Variants in KIFAP3 observed in about 807,000 individuals in gnomAD.
KIFAP3 encodes the protein kinesin-associated protein 3.
In KIFAP3, 68 loss-of-function variants were observed where a neutral mutation model predicts 106.5. The observed-to-expected ratio is 0.64, with a 90% CI of 0.53 to 0.78. KIFAP3 has a LOEUF of 0.78. KIFAP3 is among the 30% of genes least tolerant of loss of function. The pLI is 0.00. For missense variants in KIFAP3, 780 were observed against 941.8 expected (o/e 0.83, Z 2.25); for synonymous variants, 320 against 311.5 (o/e 1.03, Z -0.29).
chr1:169,945,146 C>G (rs1420687317), intron 19 of KIFAP3, among the ~76,000 whole-genome samples: 1 of 151,426 alleles, frequency 6.6e-6, no homozygotes, highest in South Asian at 2.1e-4. Context: ...CAGTGGGGGG[C>G]GGGGGGGGGC....
intron 1 of KIFAP3, among the ~76,000 whole-genome samples, chr1:170,073,964 C>T (rs536158856): frequency 6.6e-6 from 1 of 152,276 alleles, no homozygotes; most frequent in South Asian, 2.1e-4. Context: ...TCAATTCAGC[C>T]TTCCAAAAAG....
chr1:169,972,522 A>G lies in KIFAP3; in HGVS notation c.1974T>C (p.Asp658=). ...EIRKVCDNTL[D]IIAEYDEEWA... ...AAAAATAATTACTTACCGCTATAAT[A>G]TCTAATGTATTATCACAGACCTTTC... The change falls in exon 17 of 20, where the codon GAT becomes GAC. Residue 658 remains aspartate, a synonymous_variant. Transcript: ENST00000361580. 7.1e-7 allele frequency: 1 copy of G among 1,413,202 alleles called. No homozygotes were observed. Among genetic ancestry groups the G allele is most frequent in the East Asian group, 2.3e-5 (1 of 43,594 alleles). 87.5% of individuals were successfully genotyped at this position (1,413,202 alleles called of 1,614,324 possible). A position where few individuals can be genotyped will look rare whatever the true frequency, so the allele number is the denominator to read the frequency against.
chr1:169,977,349 A>T (rs932135374), intron 16 of KIFAP3, among the ~76,000 whole-genome samples: 1 of 152,172 alleles, frequency 6.6e-6, no homozygotes, highest in South Asian at 2.1e-4. Context: ...GGATGCGAGA[A>T]TGATAAACTA....
At chr1:170,010,730 A>G (rs918683932) in intron 10 of KIFAP3, among the ~76,000 whole-genome samples, 1 of 151,970 alleles carries the variant, frequency 6.6e-6, no homozygotes, top group Non-Finnish European at 1.5e-5. Flanking sequence ...AAGATTCACA[A>G]CTCATTGTAC....
At chr1:169,934,547 T>C (rs601355) in intron 19 of KIFAP3, among the ~76,000 whole-genome samples, 142,298 of 152,170 alleles carry the variant, frequency 0.94, 66,624 homozygotes, top group East Asian at 0.99. Flanking sequence ...TCAGGTTTAC[T>C]GCCAGTGTTG....
chr1:170,005,094 A>C (rs1367486265), intron 10 of KIFAP3, among the ~76,000 whole-genome samples: 1 of 151,286 alleles, frequency 6.6e-6, no homozygotes, highest in Non-Finnish European at 1.5e-5. Context: ...GCAGCCAAAA[A>C]ACACATGAAA....
At chr1:169,995,236 A>T (rs1667310810) in intron 10 of KIFAP3, among the ~76,000 whole-genome samples, 1 of 152,142 alleles carries the variant, frequency 6.6e-6, no homozygotes, top group Non-Finnish European at 1.5e-5. Context: ...GGTTCTCGTG[A>T]TACGTAGGTT....
intron 1 of KIFAP3, among the ~76,000 whole-genome samples, chr1:170,062,264 A>G (rs560874948): frequency 6.6e-6 from 1 of 151,824 alleles, no homozygotes; most frequent in South Asian, 2.1e-4. Flanking sequence ...AGGGCAAAAA[A>G]AAAAACCCAC....
At chr1:169,925,563 T>C (rs908919858) in intron 19 of KIFAP3, among the ~76,000 whole-genome samples, 1 of 151,986 alleles carries the variant, frequency 6.6e-6, no homozygotes, top group Admixed American at 6.6e-5. Context: ...TTTTTGCTAA[T>C]ATTTGCAAGA....
At chr1:170,038,944 G>A (rs962741378) in intron 4 of KIFAP3, among the ~76,000 whole-genome samples, 2 of 152,212 alleles carry the variant, frequency 1.3e-5, no homozygotes, top group South Asian at 2.1e-4. Flanking sequence ...TTAGCTGGGC[G>A]TGGTGGCACA....
At chr1:170,026,235 G>C (rs1391901545) in intron 8 of KIFAP3, among the ~76,000 whole-genome samples, 1 of 152,130 alleles carries the variant, frequency 6.6e-6, no homozygotes, top group Non-Finnish European at 1.5e-5. Flanking sequence ...CCCCCATCCA[G>C]AGCTATGACA....
In KIFAP3 at chr1:169,954,107, C is replaced by A; in HGVS notation, c.2177G>T (p.Gly726Val). 6.2e-7 allele frequency: 1 copy of A among 1,602,562 alleles called. No individual in the cohort carries two copies. Among genetic ancestry groups the A allele is most frequent in the Non-Finnish European group, 8.5e-7 (1 of 1,170,108 alleles). Reference sequence around the variant, plus strand: ...TATGGCTCCTTCAGAGGCAATTAATCCATCTAGAAAGAAAAAAAAATGGTA... The same window carrying A: ...TATGGCTCCTTCAGAGGCAATTAATACATCTAGAAAGAAAAAAAAATGGTA... ...ERPDLFYNSD[G>V]LIASEGAISP... Residue 726 changes from glycine to valine, a missense_variant, in exon 19 of 20, where the codon GGA (glycine) becomes GTA (valine). By Grantham distance (109) the Gly-to-Val change is moderately radical (BLOSUM62 -3). Transcript: ENST00000361580.
intron 10 of KIFAP3, among the ~76,000 whole-genome samples, chr1:170,004,370 T>C (rs1184938320): frequency 6.6e-6 from 1 of 152,164 alleles, no homozygotes; most frequent in East Asian, 1.9e-4. Context: ...AAAGTTCATA[T>C]GGAGCCAAAA....
intron 4 of KIFAP3, 136 bp downstream of exon 4, chr1:170,039,097 C>T: frequency 4.2e-6 from 2 of 471,494 alleles, no homozygotes; most frequent in South Asian, 5.8e-5. Flanking sequence ...GATTTTCTAC[C>T]TTTTCAGGTA....
At chr1:169,963,295 A>G (rs1665431283) in intron 17 of KIFAP3, among the ~76,000 whole-genome samples, 1 of 152,068 alleles carries the variant, frequency 6.6e-6, no homozygotes. Context: ...GTTCTTTTTT[A>G]TGGCTGTGTA....
chr1:170,039,428 T>C, intron 3 of KIFAP3, 140 bp from the exon 4 acceptor site: 1 of 541,752 alleles, frequency 1.8e-6, no homozygotes, highest in South Asian at 2.7e-5. Flanking sequence ...CTCTTCTCAA[T>C]GCATAAAAAT....
chr1:170,017,528 A>T (rs1668585749), intron 9 of KIFAP3, among the ~76,000 whole-genome samples: 1 of 152,210 alleles, frequency 6.6e-6, no homozygotes, highest in Non-Finnish European at 1.5e-5. Context: ...GGGAATTGCA[A>T]GTGATTTAGT....
At chr1:170,037,567 TAA>T (rs754282799) in intron 5 of KIFAP3, among the ~76,000 whole-genome samples, 2 of 137,548 alleles carry the variant, frequency 1.5e-5, no homozygotes, top group African/African-American at 2.6e-5. Flanking sequence ...CTGTCTCTAC[TAA>T]AAAAAAAAAA....
chr1:169,982,953 G>A, intron 13 of KIFAP3, 86 bp from the exon 14 acceptor site: 2 of 760,670 alleles, frequency 2.6e-6, no homozygotes, highest in South Asian at 7.3e-5. Flanking sequence ...TTAACTCATT[G>A]AAAGAAAAAG....
Sources: gnomAD v4.1 joint callset for allele counts (sites outside exome capture counted in the v4.1 genomes callset) on GRCh38, gnomAD v4.1.1 for gene constraint, MANE v1.5 for transcripts, NCBI Gene and HGNC (gene_info 2026-07-23, HGNC 2026-07-21) for gene names.